Variants in INPP4B observed in about 807,000 individuals in gnomAD.
The protein encoded by INPP4B is inositol polyphosphate-4-phosphatase type II B, also known as inositol polyphosphate 4-phosphatase type II.
INPP4B carries 55 observed loss-of-function variants against 122.5 expected under a neutral mutation model. That is an observed-to-expected ratio of 0.45 (90% confidence interval 0.36 to 0.56). The LOEUF (loss-of-function observed/expected upper bound fraction) is 0.56, where lower values mean the gene tolerates loss of function less well. Ranked by LOEUF, INPP4B falls within the 20% of genes least tolerant of loss-of-function variation. The pLI is 0.00. For missense variants in INPP4B, 1,000 were observed against 1,097.7 expected (o/e 0.91, Z 1.26); for synonymous variants, 403 against 388.7 (o/e 1.04, Z -0.43).
chr4:142,236,598 AGTCTTT>A lies in INPP4B; in HGVS notation c.836+1260_836+1265del, dbSNP rs1856788837. On this transcript the variant is annotated intron_variant, in intron 12 of 25. Transcript: ENST00000262992. ...ATATTCACCTTTCTGTCTCATTTTTAGTCTTTATTTCCCTAGATGCAGATTATATTT... is the reference window on the plus strand; with the variant it reads ...ATATTCACCTTTCTGTCTCATTTTTAATTTCCCTAGATGCAGATTATATTT... 1.3e-5 allele frequency among the ~76,000 whole-genome samples: 2 copies of A among 152,062 alleles called. 1 individual carries two copies. Among genetic ancestry groups the A allele is most frequent in the South Asian group, 4.2e-4 (2 of 4,818 alleles).
chr4:142,665,493 C>CAAAAAAAAAAAAA (rs11417876), intron 2 of INPP4B, among the ~76,000 whole-genome samples: 1 of 107,754 alleles, frequency 9.3e-6, no homozygotes, highest in African/African-American at 3.6e-5. Context: ...GACTCTGTCT[C>CAAAAAAAAAAAAA]AAAAAAAAAA....
chr4:142,077,989 G>C lies in INPP4B; in HGVS notation c.2642+4042C>G, dbSNP rs937780263. 2.0e-5 allele frequency among the ~76,000 whole-genome samples: 3 copies of C among 151,870 alleles called. No homozygotes were observed. In the South Asian group the frequency reaches 6.2e-4, roughly 32 times the overall value. ...AAAAAGTTTTCTAGATTTCTGATGG[G>C]CTGTGAGGGTTAAGAATCACTGTTT... On this transcript the variant is annotated intron_variant, in intron 25 of 25. Coordinates refer to ENST00000262992, the MANE Select transcript of INPP4B (RefSeq NM_001101669.3).
chr4:142,262,546 T>C (rs1255776318), intron 10 of INPP4B, among the ~76,000 whole-genome samples: 1 of 152,144 alleles, frequency 6.6e-6, no homozygotes, highest in African/African-American at 2.4e-5. Context: ...CTATTCCTTT[T>C]ACCCTATCTT....
chr4:142,227,363 T>A (rs1366999001), intron 12 of INPP4B, among the ~76,000 whole-genome samples: 1 of 152,034 alleles, frequency 6.6e-6, no homozygotes, highest in African/African-American at 2.4e-5. Flanking sequence ...GGGTAAGGAG[T>A]GCACACTGGA....
intron 2 of INPP4B, among the ~76,000 whole-genome samples, chr4:142,665,443 G>A (rs1185260637): frequency 8.6e-5 from 12 of 140,190 alleles, no homozygotes; most frequent in East Asian, 4.3e-4. Context: ...GCAGTGAGCC[G>A]AGATCATGCC....
At chr4:142,652,585 C>G (rs1022540253) in intron 2 of INPP4B, among the ~76,000 whole-genome samples, 10 of 151,676 alleles carry the variant, frequency 6.6e-5, no homozygotes, top group Non-Finnish European at 1.3e-4. Context: ...AACAAACAGA[C>G]AAATCATGAG....
chr4:142,637,455 C>A (rs1164867872), intron 2 of INPP4B, among the ~76,000 whole-genome samples: 1 of 152,092 alleles, frequency 6.6e-6, no homozygotes, highest in Admixed American at 6.5e-5. Flanking sequence ...ACGTTTGTAG[C>A]CCTTTTAGAT....
intron 2 of INPP4B, among the ~76,000 whole-genome samples, chr4:142,594,559 C>T (rs1423052547): frequency 6.6e-6 from 1 of 152,166 alleles, no homozygotes; most frequent in Non-Finnish European, 1.5e-5. Flanking sequence ...TAAATACAGA[C>T]AGCCTGACTT....
rs534410094 is a variant in INPP4B, at chr4:142,762,814, G to T, written c.-253-36913C>A. Among the ~76,000 whole-genome samples the T allele has an allele frequency of 1.2e-4, 18 of 152,268 alleles. No individual in the cohort carries two copies. The South Asian group carries it at 3.7e-3, about 32-fold the overall frequency. On this transcript the variant is annotated intron_variant, in intron 1 of 25. Transcript: ENST00000262992. ...TGCTATGGTCTGAGTGTTGAAACTT[G>T]ATTGCCAATGTGATAGCATTAAGAA...
At chr4:142,187,426 G>A (rs1833639916) in intron 15 of INPP4B, among the ~76,000 whole-genome samples, 1 of 151,876 alleles carries the variant, frequency 6.6e-6, no homozygotes, top group South Asian at 2.1e-4. Context: ...TTGGAGTATT[G>A]GGAATGACTT....
intron 7 of INPP4B, among the ~76,000 whole-genome samples, chr4:142,323,812 TGCCCCCTTTTTATGTGA>T (rs1771244892): frequency 6.6e-6 from 1 of 151,384 alleles, no homozygotes; most frequent in Admixed American, 6.6e-5. Context: ...AGCAGACAGG[TGCCCCCTTTTTATGTGA>T]GGCAAATGGC....
chr4:142,062,827 G>A (rs1260517998), intron 25 of INPP4B, among the ~76,000 whole-genome samples: 5 of 152,056 alleles, frequency 3.3e-5, no homozygotes, highest in African/African-American at 1.2e-4. Flanking sequence ...CTTAACATAA[G>A]ACACTGTGAA....
intron 7 of INPP4B, chr4:142,384,256 T>C: frequency 1.6e-6 from 1 of 630,646 alleles, no homozygotes; most frequent in Non-Finnish European, 2.9e-6. Context: ...TAGTAACAAC[T>C]TCACTAAATT....
chr4:142,813,461 T>A (rs1443451331), intron 1 of INPP4B, among the ~76,000 whole-genome samples: 1 of 152,156 alleles, frequency 6.6e-6, no homozygotes, highest in African/African-American at 2.4e-5. Flanking sequence ...TAAATAAGTA[T>A]AACACAATGT....
intron 2 of INPP4B, among the ~76,000 whole-genome samples, chr4:142,682,471 A>G (rs990142665): frequency 6.6e-6 from 1 of 152,010 alleles, no homozygotes; most frequent in African/African-American, 2.4e-5. Context: ...TATTGCAAAT[A>G]CAATAATATC....
intron 2 of INPP4B, among the ~76,000 whole-genome samples, chr4:142,697,926 G>T (rs1560972699): frequency 1.3e-5 from 2 of 152,054 alleles, no homozygotes; most frequent in East Asian, 1.9e-4. Context: ...GAGTTTTAAA[G>T]ACTACATTTG....
chr4:142,057,448 A>G (rs1462400939), intron 25 of INPP4B, among the ~76,000 whole-genome samples: 3 of 151,904 alleles, frequency 2.0e-5, no homozygotes, highest in Non-Finnish European at 4.4e-5. Flanking sequence ...TTTATGATTA[A>G]AAAAAGATAA....
At chr4:142,562,249 T>C (rs1018615085) in intron 2 of INPP4B, among the ~76,000 whole-genome samples, 7 of 152,156 alleles carry the variant, frequency 4.6e-5, no homozygotes, top group African/African-American at 1.7e-4. Context: ...TTTGAAAGGT[T>C]TTCTAGTTGA....
intron 2 of INPP4B, among the ~76,000 whole-genome samples, chr4:142,681,897 T>C (rs1758676821): frequency 6.6e-6 from 1 of 151,896 alleles, no homozygotes; most frequent in Non-Finnish European, 1.5e-5. Flanking sequence ...GTCTATGCTT[T>C]ACCATATTTC....
Sources: gnomAD v4.1 joint callset for allele counts (sites outside exome capture counted in the v4.1 genomes callset) on GRCh38, gnomAD v4.1.1 for gene constraint, MANE v1.5 for transcripts, NCBI Gene and HGNC (gene_info 2026-07-23, HGNC 2026-07-21) for gene names.